Variants in IWS1 observed in about 807,000 individuals in gnomAD.
IWS1 encodes the protein interacts with SUPT6H, CTD assembly factor 1.
A neutral mutation model predicts 86.7 loss-of-function variants in IWS1; 27 were observed. The observed-to-expected ratio is 0.31, with a 90% CI of 0.23 to 0.43. The LOEUF is 0.43. IWS1 is among the 20% of genes least tolerant of loss of function. The probability of loss-of-function intolerance (pLI) is 1.00; values close to 1 mark genes in which losing one functional copy is unlikely to be tolerated. For synonymous variants in IWS1, 313 were observed against 335.1 expected (o/e 0.93, Z 0.72); for missense variants, 827 against 1,000.8 (o/e 0.83, Z 2.34).
At chr2:127,504,242 T>G (rs998935437) in intron 3 of IWS1, among the ~76,000 whole-genome samples, 4 of 152,222 alleles carry the variant, frequency 2.6e-5, no homozygotes, top group African/African-American at 9.6e-5. Context: ...TCCCTGTATC[T>G]GAATATTCAA....
intron 2 of IWS1, among the ~76,000 whole-genome samples, chr2:127,518,547 A>G (rs1386381466): frequency 6.6e-6 from 1 of 151,656 alleles, no homozygotes; most frequent in East Asian, 1.9e-4. Flanking sequence ...GCTGCTTTTT[A>G]AAGGACAGGC....
At chr2:127,512,131 C>G (rs78047182) in intron 2 of IWS1, among the ~76,000 whole-genome samples, 3 of 152,154 alleles carry the variant, frequency 2.0e-5, no homozygotes, top group Admixed American at 1.3e-4. Flanking sequence ...TCCTGTGGGA[C>G]GCTCAGGAGG....
At chr2:127,520,586 A>G (rs1194606198) in intron 2 of IWS1, among the ~76,000 whole-genome samples, 1 of 152,248 alleles carries the variant, frequency 6.6e-6, no homozygotes, top group African/African-American at 2.4e-5. Flanking sequence ...GCAAAAGAAC[A>G]TTAATACAGA....
intron 2 of IWS1, among the ~76,000 whole-genome samples, chr2:127,522,980 T>C (rs1351182808): frequency 1.3e-5 from 2 of 152,114 alleles, no homozygotes; most frequent in Non-Finnish European, 2.9e-5. Context: ...GAGGCTGAGG[T>C]GGGCAGATCA....
chr2:127,494,657 C>T (rs370545336), intron 8 of IWS1: 1 of 360,364 alleles, frequency 2.8e-6, no homozygotes, highest in Non-Finnish European at 5.0e-6. Context: ...GTTTTTCTTT[C>T]GTTAGTATCA....
At position 127,505,228 on chromosome 2, in the gene IWS1, T is replaced by C; in HGVS notation, c.675A>G (p.Glu225=). 1 of 1,612,442 alleles carries C rather than the reference T, an allele frequency of 6.2e-7. No individual in the cohort carries two copies. Among genetic ancestry groups the C allele is most frequent in the South Asian group, 1.1e-5 (1 of 90,978 alleles). ...ELPKPQVSDS[E]SEEPPRHQAS... ...CCTGGTGCCTTGGGGGTTCCTCACT[T>C]TCTGAATCACTGACCTGAGGTTTAG... is the stretch of plus-strand genomic sequence containing the variant. Residue 225 remains glutamate, a synonymous_variant, in exon 3 of 14, where the codon GAA becomes GAG. Coordinates refer to ENST00000295321, the MANE Select transcript of IWS1 (RefSeq NM_017969.3). The surrounding 1 kb of genome is among the most constrained non-coding windows in gnomAD (Gnocchi z 5.0).
rs779138011 is a variant in IWS1 at position 127,505,047 on chromosome 2, C to A, written c.856G>T (p.Ala286Ser). 12 of 1,612,290 alleles carry A rather than the reference C, an allele frequency of 7.4e-6. No individual in the cohort carries two copies. Among genetic ancestry groups the A allele is most frequent in the African/African-American group, 1.3e-5 (1 of 74,624 alleles). ...AGCTCCTCATTTTCCGAATCACTGG[C>A]CTGGTTCCTTGGGGGATCCTCACTT... The part of the protein sequence containing the change: ...SESEDPPRNQ[A>S]SDSENEELPK... Residue 286 changes from alanine (A) to serine (S), a missense_variant, in exon 3 of 14, where the codon GCC (alanine) becomes TCC (serine). By Grantham distance (99) the Ala-to-Ser change is moderately conservative. Coordinates refer to ENST00000295321, the MANE Select transcript of IWS1 (RefSeq NM_017969.3). This position sits in a 1 kb window ranked among gnomAD's most constrained non-coding sequence, Gnocchi z 5.0.
intron 2 of IWS1, among the ~76,000 whole-genome samples, chr2:127,519,267 CTT>C (rs910405076): frequency 5.3e-5 from 8 of 152,284 alleles, no homozygotes; most frequent in East Asian, 1.9e-4. Flanking sequence ...ACAGTAAACT[CTT>C]GTTTTCTTAA....
chr2:127,523,684 G>A lies in IWS1; in HGVS notation c.142C>T (p.His48Tyr). 2 of 1,608,716 alleles carry A rather than the reference G, an allele frequency of 1.2e-6. No individual in the cohort carries two copies. Among genetic ancestry groups the A allele is most frequent in the Non-Finnish European group, 1.7e-6 (2 of 1,176,216 alleles). ...TGTTGGTTAGCCAATACCTCTGAAT[G>A]ACGTTCTACACTTCCAGTGTCTGAT... ...SGSDTGSVERHSENETSDRED... is the reference protein window; with the variant it reads ...SGSDTGSVERYSENETSDRED... Residue 48 changes from histidine to tyrosine, a missense_variant, in exon 2 of 14, where the codon CAT becomes TAT. Physicochemically the swap from His to Tyr is moderately conservative, Grantham distance 83. Around this residue, in one of 2 missense-constraint regions of IWS1, gnomAD observed 548 missense variants for 560.2 expected, o/e 0.98. Coordinates refer to ENST00000295321, the MANE Select transcript of IWS1 (RefSeq NM_017969.3).
intron 2 of IWS1, chr2:127,514,405 A>G (rs746177021): frequency 1.3e-5 from 2 of 154,496 alleles, no homozygotes; most frequent in Non-Finnish European, 2.9e-5. Context: ...ATGGGGGAGA[A>G]AAAGTCGCTG....
At chr2:127,501,702 T>C (rs1005714933) in intron 5 of IWS1, 2 of 152,224 alleles carry the variant, frequency 1.3e-5, no homozygotes, top group East Asian at 3.9e-4. Context: ...CTAAGTTTTC[T>C]GTTTTCCCCA....
chr2:127,526,116 C>T, intron 1 of IWS1, 59 bp downstream of exon 1: 1 of 1,525,912 alleles, frequency 6.6e-7, no homozygotes, highest in Non-Finnish European at 8.9e-7. Context: ...GGTGCCAGGC[C>T]AAGCCCCGCC....
chr2:127,513,005 G>A (rs1030606709), intron 2 of IWS1, among the ~76,000 whole-genome samples: 8 of 152,308 alleles, frequency 5.3e-5, no homozygotes, highest in Admixed American at 2.0e-4. Flanking sequence ...CTTTGGGAGC[G>A]CAAGGTGGGT....
intron 2 of IWS1, 108 bp downstream of exon 2, chr2:127,523,568 G>C: frequency 1.4e-6 from 1 of 717,392 alleles, no homozygotes; most frequent in Non-Finnish European, 2.4e-6. Context: ...TTTACTCTCA[G>C]AGATTAAACC....
intron 2 of IWS1, chr2:127,514,892 A>G (rs334138): frequency 0.88 from 133,280 of 152,248 alleles, 58,657 homozygotes; most frequent in East Asian, 1. Flanking sequence ...GAGTCCAGGC[A>G]AATCCAAGTG....
intron 3 of IWS1, among the ~76,000 whole-genome samples, chr2:127,503,959 A>G (rs1690960768): frequency 6.6e-6 from 1 of 152,216 alleles, no homozygotes; most frequent in East Asian, 1.9e-4. Flanking sequence ...AAAGGACTAC[A>G]TATTTCTTTC....
At chr2:127,493,463 T>C in intron 8 of IWS1, 53 bp from the exon 9 acceptor site, 1 of 1,501,058 alleles carries the variant, frequency 6.7e-7, no homozygotes. Flanking sequence ...CTACTGTATC[T>C]TCCGACTTTT....
At chr2:127,483,148 AT>A (rs1294607060) in intron 13 of IWS1, among the ~76,000 whole-genome samples, 1 of 152,234 alleles carries the variant, frequency 6.6e-6, no homozygotes, top group Non-Finnish European at 1.5e-5. Flanking sequence ...GATGGCATTA[AT>A]TTTATTTATG....
At chr2:127,515,968 T>G (rs1691745711) in intron 2 of IWS1, among the ~76,000 whole-genome samples, 1 of 152,144 alleles carries the variant, frequency 6.6e-6, no homozygotes, top group South Asian at 2.1e-4. Flanking sequence ...ATTCCCATCT[T>G]TTGCCCAACC....
Sources: allele counts gnomAD v4.1 joint callset (sites outside exome capture counted in the v4.1 genomes callset), GRCh38; gene constraint gnomAD v4.1.1; regional missense constraint gnomAD v4.1.1; non-coding constraint Gnocchi (gnomAD v3.1); transcripts MANE v1.5; gene names NCBI Gene and HGNC (gene_info 2026-07-23, HGNC 2026-07-21).